The following UTRN variants were observed in gnomAD, a reference collection of about 807,000 sequenced individuals.
UTRN encodes utrophin.
In UTRN, 283 loss-of-function variants were observed where a neutral mutation model predicts 463.9. The observed-to-expected ratio is 0.61, with a 90% CI of 0.55 to 0.67. UTRN has a LOEUF of 0.67. UTRN is among the 30% of genes least tolerant of loss of function. The pLI, the probability that UTRN is intolerant of heterozygous loss-of-function variation, is 0.00. For synonymous variants in UTRN, 1,442 were observed against 1,431.5 expected (o/e 1.01, Z -0.17); for missense variants, 3,922 against 4,084.3 (o/e 0.96, Z 1.08).
At chr6:144,824,532 A>T (rs11155378) in intron 66 of UTRN, among the ~76,000 whole-genome samples, 59 of 131,602 alleles carry the variant, frequency 4.5e-4, no homozygotes, top group Middle Eastern at 3.9e-3. Flanking sequence ...TATATACACA[A>T]ATATAATACA....
At chr6:144,753,737 C>T (rs538597385) in intron 56 of UTRN, among the ~76,000 whole-genome samples, 6 of 150,570 alleles carry the variant, frequency 4.0e-5, no homozygotes, top group Admixed American at 2.0e-4. Context: ...CATGATTGCA[C>T]ATGCGTGTAG....
chr6:144,649,748 A>C (rs995398930), intron 51 of UTRN, among the ~76,000 whole-genome samples: 6 of 152,312 alleles, frequency 3.9e-5, no homozygotes, highest in African/African-American at 1.4e-4. Context: ...AGTGTTCTAA[A>C]AACTGTCATA....
At chr6:144,800,639 A>G (rs562641319) in intron 64 of UTRN, among the ~76,000 whole-genome samples, 2 of 152,198 alleles carry the variant, frequency 1.3e-5, no homozygotes, top group Non-Finnish European at 2.9e-5. Flanking sequence ...TTCAAATTCT[A>G]TGAGTGTTTC....
intron 41 of UTRN, among the ~76,000 whole-genome samples, chr6:144,527,567 T>G (rs1420145604): frequency 6.6e-6 from 1 of 152,264 alleles, no homozygotes; most frequent in Non-Finnish European, 1.5e-5. Flanking sequence ...GAGGTTTTCC[T>G]CAATTATTCC....
chr6:144,785,110 G>A (rs190409097), intron 61 of UTRN, among the ~76,000 whole-genome samples: 2 of 152,228 alleles, frequency 1.3e-5, no homozygotes, highest in East Asian at 3.9e-4. Flanking sequence ...TTTTCTTTGA[G>A]AATCAGATAG....
intron 63 of UTRN, among the ~76,000 whole-genome samples, chr6:144,795,073 C>T (rs1777091487): frequency 6.6e-6 from 1 of 152,196 alleles, no homozygotes; most frequent in Non-Finnish European, 1.5e-5. Flanking sequence ...TCCCTGTGTC[C>T]ATGTGTTCTC....
At chr6:144,714,490 C>G (rs868689664) in intron 53 of UTRN, among the ~76,000 whole-genome samples, 7 of 152,308 alleles carry the variant, frequency 4.6e-5, no homozygotes, top group Middle Eastern at 3.4e-3. Flanking sequence ...TCTCAGGTGT[C>G]CCATGCAGTC....
At chr6:144,581,145 A>G (rs1801933594) in intron 51 of UTRN, among the ~76,000 whole-genome samples, 2 of 152,212 alleles carry the variant, frequency 1.3e-5, no homozygotes, top group Admixed American at 6.5e-5. Context: ...ATTGCCTGGT[A>G]TGCAGTTGTC....
intron 63 of UTRN, among the ~76,000 whole-genome samples, chr6:144,797,122 T>A (rs745438544): frequency 6.6e-6 from 1 of 152,128 alleles, no homozygotes; most frequent in Non-Finnish European, 1.5e-5. Context: ...ATTTAGCATT[T>A]ATAATGGCCT....
chr6:144,602,125 AT>A (rs998428731), intron 51 of UTRN, among the ~76,000 whole-genome samples: 31 of 149,438 alleles, frequency 2.1e-4, no homozygotes, highest in East Asian at 1.8e-3. Flanking sequence ...TTCCTACAGC[AT>A]TTTTTTTTTA....
rs74789770 is a variant in UTRN at position 144,485,435 on chromosome 6, T to C, written c.3738T>C (p.Thr1246=). 1.8e-4 allele frequency: 292 copies of C among 1,614,174 alleles called. 4 individuals are homozygous for C. In the African/African-American group the frequency reaches 2.5e-3, roughly 14 times the overall value. The change falls in exon 28 of 75, where the codon ACT becomes ACC. Residue 1246 remains threonine (T), a synonymous_variant. Transcript: ENST00000367545. ...IELLHYLDLE[T]TWLNTLEERM... is the part of the protein sequence containing the mutation. ...TGCTTCACTATTTGGATCTTGAAAC[T>C]ACCTGGTTAAACACTTTGGAAGAGC... is the stretch of plus-strand genomic sequence containing the variant.
chr6:144,329,027 C>T (rs1584300210), intron 2 of UTRN, among the ~76,000 whole-genome samples: 1 of 151,654 alleles, frequency 6.6e-6, no homozygotes, highest in South Asian at 2.1e-4. Context: ...TCAGGTAATC[C>T]CCCTGCCTCG....
intron 39 of UTRN, 32 bp downstream of exon 39, chr6:144,516,980 A>G: frequency 2.8e-6 from 4 of 1,411,600 alleles, no homozygotes; most frequent in Non-Finnish European, 2.8e-6. Context: ...TGTTGCATTT[A>G]AATACCTTAC....
At chr6:144,410,020 A>G (rs1344964733) in intron 3 of UTRN, among the ~76,000 whole-genome samples, 1 of 152,166 alleles carries the variant, frequency 6.6e-6, no homozygotes, top group African/African-American at 2.4e-5. Context: ...CCTTGTTGTG[A>G]TAGTCTCTTG....
chr6:144,430,587 C>T (rs1584753073), intron 9 of UTRN, among the ~76,000 whole-genome samples: 1 of 152,142 alleles, frequency 6.6e-6, no homozygotes, highest in Admixed American at 6.5e-5. Flanking sequence ...GTTACTTAAA[C>T]TCTCAATCAC....
intron 27 of UTRN, among the ~76,000 whole-genome samples, chr6:144,485,176 A>C (rs1330721941): frequency 6.6e-6 from 1 of 152,006 alleles, no homozygotes; most frequent in Non-Finnish European, 1.5e-5. Context: ...TGCCTGCTTC[A>C]GCCTCCCAAA....
At chr6:144,771,765 T>C in intron 58 of UTRN, 142 bp from the exon 59 acceptor site, 1 of 609,450 alleles carries the variant, frequency 1.6e-6, no homozygotes, top group South Asian at 2.5e-5. Context: ...ATTGGGTTTC[T>C]GAATGGTTGA....
intron 3 of UTRN, among the ~76,000 whole-genome samples, chr6:144,420,560 C>A (rs1327872227): frequency 6.6e-6 from 1 of 152,214 alleles, no homozygotes; most frequent in Non-Finnish European, 1.5e-5. Flanking sequence ...GCAGGATTAT[C>A]TGTGGGAGTT....
In UTRN at chr6:144,811,537, G is replaced by A. The variant is rs57539304; in HGVS notation, c.9357+8390G>A. Among the ~76,000 whole-genome samples, 1,192 of 152,174 alleles carry A rather than the reference G, an allele frequency of 7.8e-3. 18 individuals carry two copies. Among genetic ancestry groups the A allele is most frequent in the African/African-American group, 0.026 (1,077 of 41,516 alleles). On this transcript the variant is annotated intron_variant, in intron 65 of 74. Transcript: ENST00000367545. ...GGGCAAAATCCATTTTATTTTGGAT[G>A]ACTTATCATCCCACTGATTCTTGAC...
Sources: gnomAD v4.1 joint callset for allele counts (sites outside exome capture counted in the v4.1 genomes callset) on GRCh38, gnomAD v4.1.1 for gene constraint, MANE v1.5 for transcripts, NCBI Gene and HGNC (gene_info 2026-07-23, HGNC 2026-07-21) for gene names.